The following RBBP8 variants were observed in gnomAD, a reference collection of about 807,000 sequenced individuals.
RBBP8 encodes RB binding protein 8, endonuclease.
RBBP8 carries 88 observed loss-of-function variants against 108.3 expected under a neutral mutation model. The observed-to-expected ratio is 0.81, with a 90% confidence interval of 0.68 to 0.97. The LOEUF (loss-of-function observed/expected upper bound fraction) is 0.97. RBBP8 is among the 50% of genes least tolerant of loss of function. RBBP8 has a pLI of 0.00. For synonymous variants in RBBP8, 332 were observed against 348.2 expected, an observed-to-expected ratio of 0.95 and a Z score of 0.52; for missense variants, 1,023 against 1,049.0, an observed-to-expected ratio of 0.98 and a Z score of 0.34.
chr18:22,976,153 G>C (rs1275311080), intron 6 of RBBP8, among the ~76,000 whole-genome samples: 1 of 152,060 alleles, frequency 6.6e-6, no homozygotes, highest in Non-Finnish European at 1.5e-5. Flanking sequence ...CTCACAAGTA[G>C]AATTATCATT....
intron 1 of RBBP8, among the ~76,000 whole-genome samples, chr18:22,914,698 A>C (rs1401004775): frequency 6.6e-6 from 1 of 152,182 alleles, no homozygotes; most frequent in African/African-American, 2.4e-5. Flanking sequence ...ATTGTGGATA[A>C]ATAATAATTG....
At chr18:23,025,116 G>C (rs995673815) in intron 18 of RBBP8, among the ~76,000 whole-genome samples, 4 of 152,004 alleles carry the variant, frequency 2.6e-5, no homozygotes, top group Non-Finnish European at 4.4e-5. Context: ...GCCAGGTATG[G>C]TGGTGCATGC....
In RBBP8 at chr18:22,993,531, T is replaced by C; in HGVS notation, c.1704T>C (p.Ser568=). Residue 568 remains serine (S), a synonymous_variant, in exon 11 of 19, where the codon TCT becomes TCC. Coordinates refer to ENST00000327155, the MANE Select transcript of RBBP8 (RefSeq NM_002894.3). ...CIILQPLNKC[S]PDNKPSLQIK... Reference sequence around the variant, plus strand: ...TCCTTCAGCCCTTGAATAAATGCTCTCCAGACAATAAACCATCATTACAAA... The same window carrying C: ...TCCTTCAGCCCTTGAATAAATGCTCCCCAGACAATAAACCATCATTACAAA... 6.2e-7 allele frequency: 1 copy of C among 1,613,406 alleles called. No individual in the cohort carries two copies. The highest frequency in any genetic ancestry group is 1.1e-5 in the South Asian group (1 of 90,974).
At chr18:22,965,811 G>A (rs2144577489) in intron 4 of RBBP8, among the ~76,000 whole-genome samples, 1 of 152,290 alleles carries the variant, frequency 6.6e-6, no homozygotes, top group South Asian at 2.1e-4. Flanking sequence ...GTGTGAATCA[G>A]GTTGGTTCTA....
intron 2 of RBBP8, among the ~76,000 whole-genome samples, chr18:22,915,711 T>C (rs1488731270): frequency 2.0e-5 from 3 of 152,114 alleles, no homozygotes; most frequent in Non-Finnish European, 4.4e-5. Context: ...CTGGTGAATA[T>C]ATTGCATATG....
chr18:22,928,318 T>C (rs577814003), intron 3 of RBBP8, among the ~76,000 whole-genome samples: 3 of 151,944 alleles, frequency 2.0e-5, no homozygotes, highest in Admixed American at 6.6e-5. Context: ...TTAAGTGCAA[T>C]GATAAAGATA....
intron 4 of RBBP8, among the ~76,000 whole-genome samples, chr18:22,959,877 T>TC (rs1468951548): frequency 6.8e-6 from 1 of 146,248 alleles, no homozygotes; most frequent in Non-Finnish European, 1.5e-5. Flanking sequence ...TTTCTTTTTT[T>TC]TTTTTTTTTT....
At chr18:22,931,135 T>C (rs1004407487), upstream of RBBP8, among the ~76,000 whole-genome samples, 17 of 152,020 alleles carry the variant, frequency 1.1e-4, no homozygotes, top group Non-Finnish European at 2.2e-4. Flanking sequence ...AACTGTAAGA[T>C]GGGGAGGTTA....
chr18:23,006,308 A>G (rs2046046444), intron 15 of RBBP8, 55 bp from the exon 16 acceptor site: 1 of 1,479,480 alleles, frequency 6.8e-7, no homozygotes, highest in Non-Finnish European at 9.4e-7. Flanking sequence ...AAGCTAGTTA[A>G]TTATTTCTCA....
In RBBP8 at chr18:22,949,611, C is replaced by G; in HGVS notation, c.153-7C>G. On this transcript the variant is annotated splice_region_variant and splice_polypyrimidine_tract_variant and intron_variant, in intron 3 of 18. Transcript: ENST00000327155. ...TCTGAAAAACTTATTTATTTTTTGA[C>G]CTTTAGAGATGCACAAAGACTAGAA... is the stretch of plus-strand genomic sequence containing the variant. 6.3e-7 allele frequency: 1 copy of G among 1,591,408 alleles called. No homozygotes were observed. The highest frequency in any genetic ancestry group is 1.1e-5 in the South Asian group (1 of 90,608).
At chr18:23,005,537 C>T (rs1292502669) in intron 15 of RBBP8, among the ~76,000 whole-genome samples, 4 of 152,036 alleles carry the variant, frequency 2.6e-5, no homozygotes, top group East Asian at 3.9e-4. Context: ...CTCAGCCTCC[C>T]GAGTAGCTGG....
chr18:22,937,173 G>A (rs1910645034), intron 2 of RBBP8: 6 of 1,023,940 alleles, frequency 5.9e-6, no homozygotes, highest in Non-Finnish European at 8.0e-6. Flanking sequence ...GTACCCCATA[G>A]GTAGTTTTTC....
intron 3 of RBBP8, among the ~76,000 whole-genome samples, chr18:22,924,927 C>T (rs1434376598): frequency 1.9e-4 from 28 of 150,528 alleles, no homozygotes; most frequent in African/African-American, 6.6e-4. Flanking sequence ...GCCAGGGTCT[C>T]GCTTTGTCAC....
At chr18:22,996,526 CCT>C in intron 13 of RBBP8, 64 bp downstream of exon 13, 1 of 1,586,162 alleles carries the variant, frequency 6.3e-7, no homozygotes. Flanking sequence ...TAGTCAACCT[CCT>C]CTCGTGACTC....
chr18:22,934,122 A>C (rs566450404), intron 1 of RBBP8: 40 of 152,384 alleles, frequency 2.6e-4, no homozygotes, highest in African/African-American at 8.4e-4. Flanking sequence ...GAATACACAC[A>C]AATTACAGGC....
intron 4 of RBBP8, among the ~76,000 whole-genome samples, chr18:22,956,459 C>T (rs1204089302): frequency 6.6e-6 from 1 of 152,126 alleles, no homozygotes; most frequent in Non-Finnish European, 1.5e-5. Flanking sequence ...ATCAGCCCCC[C>T]CAGGTAGCTA....
chr18:22,957,291 C>CTTTTTT (rs11418623), intron 4 of RBBP8, among the ~76,000 whole-genome samples: 61 of 92,846 alleles, frequency 6.6e-4, no homozygotes, highest in East Asian at 1.7e-3. Flanking sequence ...ATTACTTTTT[C>CTTTTTT]TTTTTTTTTT....
chr18:22,995,242 G>A (rs902894283), intron 12 of RBBP8, among the ~76,000 whole-genome samples: 2 of 150,392 alleles, frequency 1.3e-5, no homozygotes, highest in African/African-American at 4.9e-5. Flanking sequence ...GATTTTTTTT[G>A]AGCTTTTTGT....
chr18:23,008,863 T>A (rs2046106697), intron 16 of RBBP8, among the ~76,000 whole-genome samples: 3 of 140,166 alleles, frequency 2.1e-5, no homozygotes, highest in South Asian at 4.7e-4. Flanking sequence ...AAGCTCTGCC[T>A]CCTGGGTTCA....
Sources: allele counts gnomAD v4.1 joint callset (sites outside exome capture counted in the v4.1 genomes callset), GRCh38; gene constraint gnomAD v4.1.1; transcripts MANE v1.5; gene names NCBI Gene and HGNC (gene_info 2026-07-23, HGNC 2026-07-21).